PPARGC1A: variants seen among roughly 807,000 people sequenced by gnomAD.
PPARGC1A encodes the protein PPARG coactivator 1 alpha, also known as peroxisome proliferator-activated receptor gamma coactivator 1-alpha.
A neutral mutation model predicts 88.7 loss-of-function variants in PPARGC1A; 25 were observed. That is an observed-to-expected ratio of 0.28 (90% CI 0.21 to 0.39). PPARGC1A has a LOEUF of 0.39. PPARGC1A is among the 10% of genes least tolerant of loss of function. The pLI is 1.00. For missense variants in PPARGC1A, 880 were observed against 968.7 expected (o/e 0.91, Z 1.22); for synonymous variants, 363 against 355.6 (o/e 1.02, Z -0.24).
the PPARGC1A span, among the ~76,000 whole-genome samples, chr4:24,020,425 A>C: frequency 6.6e-6 from 1 of 152,144 alleles, no homozygotes; most frequent in African/African-American, 2.4e-5. Context: ...TTCCACAGTC[A>C]GCCAGGGCTT....
At chr4:23,942,039 G>A in the PPARGC1A span, among the ~76,000 whole-genome samples, 1 of 151,946 alleles carries the variant, frequency 6.6e-6, no homozygotes, top group South Asian at 2.1e-4. Flanking sequence ...CACACACTAT[G>A]GGCAGATACA....
Position 23,801,781 on chromosome 4 carries a change from G to T in PPARGC1A, c.2242C>A (p.Leu748Met). The T allele has an allele frequency of 6.2e-7, 1 of 1,614,054 alleles. No individual in the cohort carries two copies. The highest frequency in any genetic ancestry group is 8.5e-7 in the Non-Finnish European group (1 of 1,179,976). ...LRRSNETDFE[L>M]YFCGRKQFFK... ...AATTGCTTGCGTCCACAAAAGTACA[G>T]CTCAAAGTCAGTTTCGTTTGACCTG... The change falls in exon 12 of 13, where the codon CTG becomes ATG. Residue 748 changes from leucine to methionine, a missense_variant. Coordinates refer to ENST00000264867, the MANE Select transcript of PPARGC1A (RefSeq NM_013261.5).
At chr4:24,460,550 C>A in the PPARGC1A span, among the ~76,000 whole-genome samples, 1 of 150,544 alleles carries the variant, frequency 6.6e-6, no homozygotes, top group Non-Finnish European at 1.5e-5. Flanking sequence ...TTTTTAAATT[C>A]TTTCTAATGA....
chr4:24,191,876 C>T, the PPARGC1A span, among the ~76,000 whole-genome samples: 1 of 152,124 alleles, frequency 6.6e-6, no homozygotes. Context: ...TAGCAAAGCA[C>T]CGTGGGAGTG....
chr4:24,422,960 C>G, the PPARGC1A span, among the ~76,000 whole-genome samples: 1 of 152,148 alleles, frequency 6.6e-6, no homozygotes, highest in Non-Finnish European at 1.5e-5. Flanking sequence ...GACATAGACA[C>G]CTTGGATTTA....
At chr4:24,252,829 T>A in the PPARGC1A span, among the ~76,000 whole-genome samples, 4 of 152,238 alleles carry the variant, frequency 2.6e-5, no homozygotes, top group Admixed American at 1.3e-4. Context: ...TTTAGAAACA[T>A]TTCAGATTAT....
intron 2 of PPARGC1A, 191 bp downstream of exon 2, chr4:23,884,561 T>TA (rs1560511567): frequency 2.0e-6 from 1 of 496,814 alleles, no homozygotes; most frequent in South Asian, 5.8e-5. Context: ...TTTAAATCTT[T>TA]AAAAAAATAA....
At chr4:24,393,022 C>T in the PPARGC1A span, among the ~76,000 whole-genome samples, 1 of 70,286 alleles carries the variant, frequency 1.4e-5, no homozygotes, top group South Asian at 4.8e-4. Flanking sequence ...AGCACACACA[C>T]ACACACACAC....
the PPARGC1A span, among the ~76,000 whole-genome samples, chr4:24,317,999 G>A: frequency 2.0e-4 from 31 of 152,232 alleles, no homozygotes; most frequent in Non-Finnish European, 3.2e-4. Flanking sequence ...GTGAAGTTCT[G>A]TCGTGATTAA....
chr4:24,471,837 C>A, the PPARGC1A span, among the ~76,000 whole-genome samples: 1 of 152,256 alleles, frequency 6.6e-6, no homozygotes, highest in Non-Finnish European at 1.5e-5. The surrounding 1 kb of genome is among the most constrained non-coding windows in gnomAD (Gnocchi z 5.4). Flanking sequence ...CCACCCCCCC[C>A]ACCTCCGCGG....
Position 23,794,696 on chromosome 4 carries a change from TGTATA to T in PPARGC1A, c.*1121_*1125del, listed in dbSNP as rs1717196302. ...TAGCTGTAACAAAAAAGAACATTGT[TGTATA>T]GTATATACATAAAATAAAAATACTC... On this transcript the variant is annotated 3_prime_UTR_variant, in exon 13 of 13. Transcript: ENST00000264867. The T allele has an allele frequency of 6.6e-6, 1 of 152,656 alleles. No homozygotes were observed. Among genetic ancestry groups the T allele is most frequent in the Admixed American group, 6.5e-5 (1 of 15,278 alleles). The allele number at this position is 152,656 out of a possible 1,614,324, so 9.5% of individuals were successfully genotyped here. A position where few individuals can be genotyped will look rare whatever the true frequency, so the allele number is the denominator to read the frequency against.
At chr4:24,240,429 T>C in the PPARGC1A span, among the ~76,000 whole-genome samples, 1 of 152,218 alleles carries the variant, frequency 6.6e-6, no homozygotes, top group Admixed American at 6.5e-5. Context: ...TTCATGGGAC[T>C]CCCTGCTTCT....
At chr4:24,330,408 G>A in the PPARGC1A span, among the ~76,000 whole-genome samples, 1 of 152,220 alleles carries the variant, frequency 6.6e-6, no homozygotes, top group East Asian at 1.9e-4. Flanking sequence ...CGAGCTGGTT[G>A]CAGGGAGAGG....
At chr4:24,385,866 G>A in the PPARGC1A span, among the ~76,000 whole-genome samples, 2 of 152,084 alleles carry the variant, frequency 1.3e-5, no homozygotes, top group South Asian at 4.1e-4. Flanking sequence ...AACAGAAAAA[G>A]AAGGACTCCT....
At chr4:24,392,496 C>T in the PPARGC1A span, among the ~76,000 whole-genome samples, 2 of 152,240 alleles carry the variant, frequency 1.3e-5, no homozygotes, top group South Asian at 2.1e-4. Context: ...GCCAGATATG[C>T]TTTGAAAGTC....
At chr4:24,170,409 C>G in the PPARGC1A span, among the ~76,000 whole-genome samples, 1 of 152,180 alleles carries the variant, frequency 6.6e-6, no homozygotes, top group Non-Finnish European at 1.5e-5. Flanking sequence ...ATTATTTTCC[C>G]TCCTACCTAT....
chr4:23,980,185 C>CAAAA, the PPARGC1A span, among the ~76,000 whole-genome samples: 95 of 89,480 alleles, frequency 1.1e-3, 1 homozygote, highest in African/African-American at 3.6e-3. Context: ...TCCCAGCCAG[C>CAAAA]AAAAAAAAAA....
the PPARGC1A span, among the ~76,000 whole-genome samples, chr4:24,024,076 A>G: frequency 6.6e-6 from 1 of 152,152 alleles, no homozygotes; most frequent in Non-Finnish European, 1.5e-5. Context: ...GGGACAACCC[A>G]CATGTACCAG....
rs1718778239 is a variant in PPARGC1A at position 23,801,730 on chromosome 4, C to A, written c.2293G>T (p.Asp765Tyr). The A allele has an allele frequency of 1.2e-6, 2 of 1,613,822 alleles. No homozygotes were observed. The highest frequency in any genetic ancestry group is 1.3e-5 in the African/African-American group (1 of 74,906). Reference sequence around the variant, plus strand: ...ATTCCACGTACAATAAAATCCATACCTAGGTCTGCATAGTTAGACTTGAAA... The same window carrying A: ...ATTCCACGTACAATAAAATCCATACATAGGTCTGCATAGTTAGACTTGAAA... Reference protein sequence around the residue: ...QFFKSNYADLDSNSDDFDPAS... With the variant: ...QFFKSNYADLYSNSDDFDPAS... Residue 765 changes from aspartate (D) to tyrosine (Y), a missense_variant and splice_region_variant, in exon 12 of 13, where the codon GAT (aspartate) becomes TAT (tyrosine). By Grantham distance (160) the Asp-to-Tyr change is radical. Transcript: ENST00000264867.
Sources: allele counts gnomAD v4.1 joint callset (sites outside exome capture counted in the v4.1 genomes callset), GRCh38; gene constraint gnomAD v4.1.1; non-coding constraint Gnocchi (gnomAD v3.1); transcripts MANE v1.5; gene names NCBI Gene and HGNC (gene_info 2026-07-23, HGNC 2026-07-21).